Variants in PLCB1 observed in about 807,000 individuals in gnomAD.
PLCB1 encodes the protein 1-phosphatidylinositol 4,5-bisphosphate phosphodiesterase beta-1.
In PLCB1, 46 loss-of-function variants were observed where a neutral mutation model predicts 161.8. The ratio of observed to expected loss-of-function variants is 0.28; its 90% CI spans 0.22 to 0.36. PLCB1 has a LOEUF of 0.36. Ranked by LOEUF, PLCB1 falls within the 10% of genes least tolerant of loss-of-function variation. PLCB1 has a pLI of 1.00. For missense variants in PLCB1, 1,016 were observed against 1,472.5 expected (o/e 0.69, Z 5.07); for synonymous variants, 517 against 503.7 (o/e 1.03, Z -0.35).
intron 3 of PLCB1, among the ~76,000 whole-genome samples, chr20:8,394,261 A>G (rs1987696769): frequency 6.6e-6 from 1 of 152,188 alleles, no homozygotes; most frequent in South Asian, 2.1e-4. Context: ...CTTATATAAA[A>G]TTGGTACTAC....
rs199789664 is a variant in PLCB1, at chr20:8,163,528, G to A, written c.177+13157G>A. 3.3e-5 allele frequency among the ~76,000 whole-genome samples: 5 copies of A among 152,248 alleles called. No individual in the cohort carries two copies. The East Asian group carries it at 5.8e-4, about 18-fold the overall frequency. ...AAGTCAGACTTTTAAAATCTATATC[G>A]CAGTGTGCAAACTGGAGCCTGCACC... On this transcript the variant is annotated intron_variant, in intron 2 of 31. Coordinates refer to ENST00000338037, the MANE Select transcript of PLCB1 (RefSeq NM_015192.4).
intron 26 of PLCB1, among the ~76,000 whole-genome samples, chr20:8,766,156 T>A (rs1382297613): frequency 6.6e-6 from 1 of 152,180 alleles, no homozygotes; most frequent in Non-Finnish European, 1.5e-5. Context: ...TTTGAGTGCC[T>A]ACTGTGCCCT....
At chr20:8,560,650 T>G (rs556022994) in intron 3 of PLCB1, among the ~76,000 whole-genome samples, 1 of 152,094 alleles carries the variant, frequency 6.6e-6, no homozygotes, top group Admixed American at 6.6e-5. Context: ...TAATTTTAAA[T>G]GTCATCTTTT....
chr20:8,333,424 A>G (rs891584680), intron 2 of PLCB1, among the ~76,000 whole-genome samples: 4 of 152,232 alleles, frequency 2.6e-5, no homozygotes, highest in African/African-American at 9.6e-5. Context: ...TGAACTTAGC[A>G]GTGTCTCCTG....
chr20:8,393,001 A>G (rs1266133562), intron 3 of PLCB1, among the ~76,000 whole-genome samples: 1 of 152,196 alleles, frequency 6.6e-6, no homozygotes, highest in East Asian at 1.9e-4. Context: ...CCTGAAATTA[A>G]TGTCCATAGA....
chr20:8,832,263 A>C (rs1986050646), intron 31 of PLCB1, among the ~76,000 whole-genome samples: 1 of 152,216 alleles, frequency 6.6e-6, no homozygotes, highest in South Asian at 2.1e-4. Flanking sequence ...TTAGCATCTT[A>C]AAATTTAAAT....
intron 3 of PLCB1, among the ~76,000 whole-genome samples, chr20:8,462,234 G>A (rs574561680): frequency 3.9e-5 from 6 of 152,218 alleles, no homozygotes; most frequent in African/African-American, 1.2e-4. Context: ...ATATAAACAC[G>A]TTGAGTTGTC....
At chr20:8,407,835 A>G (rs1978853503) in intron 3 of PLCB1, among the ~76,000 whole-genome samples, 1 of 152,074 alleles carries the variant, frequency 6.6e-6, no homozygotes, top group Non-Finnish European at 1.5e-5. Context: ...CCAGAACCGA[A>G]AATTCCAGTC....
intron 4 of PLCB1, among the ~76,000 whole-genome samples, chr20:8,645,027 T>C (rs1324509258): frequency 3.9e-5 from 6 of 152,290 alleles, no homozygotes; most frequent in East Asian, 3.9e-4. Flanking sequence ...CCCCCAACCC[T>C]GTGCTCTCTG....
intron 23 of PLCB1, among the ~76,000 whole-genome samples, chr20:8,745,518 A>G (rs1981126225): frequency 1.3e-5 from 2 of 152,144 alleles, no homozygotes; most frequent in African/African-American, 4.8e-5. Context: ...AACCAAATAG[A>G]TAAGAAAGTG....
chr20:8,211,836 C>T (rs1294204827), intron 2 of PLCB1, among the ~76,000 whole-genome samples: 1 of 152,070 alleles, frequency 6.6e-6, no homozygotes, highest in Non-Finnish European at 1.5e-5. Context: ...AAAAGCAGTT[C>T]ATTATCTATA....
At chr20:8,222,531 T>C (rs760127437) in intron 2 of PLCB1, among the ~76,000 whole-genome samples, 3 of 152,136 alleles carry the variant, frequency 2.0e-5, no homozygotes, top group Non-Finnish European at 2.9e-5. Context: ...TCAGCACTTA[T>C]ACTATGATGA....
chr20:8,551,873 G>A (rs1985787352), intron 3 of PLCB1, among the ~76,000 whole-genome samples: 1 of 152,094 alleles, frequency 6.6e-6, no homozygotes, highest in African/African-American at 2.4e-5. Context: ...TCTGCAAAAG[G>A]GAATGCCTTT....
chr20:8,370,291 G>T (rs1986865578), intron 2 of PLCB1, among the ~76,000 whole-genome samples: 1 of 152,130 alleles, frequency 6.6e-6, no homozygotes, highest in South Asian at 2.1e-4. Context: ...GACATTTAGG[G>T]TTTCCATTCT....
chr20:8,533,470 A>G (rs1488419754), intron 3 of PLCB1, among the ~76,000 whole-genome samples: 1 of 152,124 alleles, frequency 6.6e-6, no homozygotes, highest in Admixed American at 6.5e-5. Flanking sequence ...ACTAGTTTAC[A>G]GTCCCACCAA....
chr20:8,871,522 G>A (rs149890074), intron 31 of PLCB1, among the ~76,000 whole-genome samples: 1 of 152,318 alleles, frequency 6.6e-6, no homozygotes, highest in African/African-American at 2.4e-5. Context: ...CATCTTGTGT[G>A]TGGCACTCAT....
intron 31 of PLCB1, among the ~76,000 whole-genome samples, chr20:8,826,014 G>T (rs1166537939): frequency 3.3e-5 from 5 of 152,162 alleles, no homozygotes; most frequent in Admixed American, 1.3e-4. Flanking sequence ...CTGGGAATGA[G>T]GGGGAGGGAG....
At chr20:8,511,730 T>C (rs1257424626) in intron 3 of PLCB1, among the ~76,000 whole-genome samples, 1 of 152,240 alleles carries the variant, frequency 6.6e-6, no homozygotes, top group Non-Finnish European at 1.5e-5. Flanking sequence ...AGGTATGAGC[T>C]GATATCTCAC....
intron 2 of PLCB1, among the ~76,000 whole-genome samples, chr20:8,361,092 T>G (rs1183528688): frequency 6.6e-6 from 1 of 152,184 alleles, no homozygotes; most frequent in Admixed American, 6.5e-5. Flanking sequence ...CTCACTCAAA[T>G]GTATCATGCA....
Sources: allele counts gnomAD v4.1 joint callset (sites outside exome capture counted in the v4.1 genomes callset), GRCh38; gene constraint gnomAD v4.1.1; transcripts MANE v1.5; gene names NCBI Gene and HGNC (gene_info 2026-07-23, HGNC 2026-07-21).